CFAP68: variants seen among roughly 807,000 people sequenced by gnomAD.
CFAP68 encodes the protein cilia and flagella associated protein 68.
At chr11:111,882,026 C>T in the CFAP68 span, among the ~76,000 whole-genome samples, 1 of 152,180 alleles carries the variant, frequency 6.6e-6, no homozygotes, top group Non-Finnish European at 1.5e-5. Flanking sequence ...TTGACTGTAG[C>T]AGTGCTTTTA....
At chr11:111,880,195 C>A in the CFAP68 span, among the ~76,000 whole-genome samples, 1 of 152,050 alleles carries the variant, frequency 6.6e-6, no homozygotes, top group Non-Finnish European at 1.5e-5. Flanking sequence ...ACCCACACCA[C>A]CCGCCCTCCC....
the CFAP68 span, chr11:111,881,408 A>G: frequency 7.9e-6 from 12 of 1,528,648 alleles, no homozygotes; most frequent in South Asian, 1.4e-4. Flanking sequence ...CTGCCTGTGG[A>G]AAGGCAAGTG....
the CFAP68 span, chr11:111,885,683 T>A: frequency 6.6e-6 from 1 of 152,196 alleles, no homozygotes; most frequent in Non-Finnish European, 1.5e-5. Context: ...TATTTTTTTA[T>A]CTACTGTGTA....
chr11:111,882,234 A>C, the CFAP68 span: 1 of 716,232 alleles, frequency 1.4e-6, no homozygotes, highest in East Asian at 2.7e-5. Context: ...GAAGAAACAG[A>C]ACCATAACAT....
At chr11:111,881,721 A>T in the CFAP68 span, 1 of 1,272,688 alleles carries the variant, frequency 7.9e-7, no homozygotes, top group Non-Finnish European at 1.1e-6. Flanking sequence ...ATCATCTGGT[A>T]TATGCAATCC....
the CFAP68 span, chr11:111,882,643 G>A: frequency 2.7e-6 from 4 of 1,470,046 alleles, no homozygotes; most frequent in South Asian, 5.5e-5. Context: ...CCTTCTGTTG[G>A]CAAAAGAAAT....
At chr11:111,882,347 T>A in the CFAP68 span, 4 of 1,594,598 alleles carry the variant, frequency 2.5e-6, no homozygotes, top group African/African-American at 5.4e-5. Context: ...AATAAGCTTT[T>A]CTATTCTTGT....
chr11:111,883,287 A>G, the CFAP68 span: 1 of 1,207,568 alleles, frequency 8.3e-7, no homozygotes, highest in African/African-American at 1.5e-5. Context: ...ATAAAAGTAA[A>G]CTGAATAGGT....
the CFAP68 span, chr11:111,884,597 T>A: frequency 1.3e-5 from 2 of 152,214 alleles, no homozygotes; most frequent in Non-Finnish European, 2.9e-5. Context: ...CTAGATGCTT[T>A]CTGGGTATAA....
the CFAP68 span, chr11:111,881,588 A>G: frequency 3.3e-6 from 5 of 1,535,692 alleles, no homozygotes; most frequent in Non-Finnish European, 4.4e-6. Flanking sequence ...CAACCTACTC[A>G]GCATCAAGTT....
chr11:111,880,445 A>G, the CFAP68 span, among the ~76,000 whole-genome samples: 1 of 152,218 alleles, frequency 6.6e-6, no homozygotes, highest in Non-Finnish European at 1.5e-5. Flanking sequence ...GACCTTGCTG[A>G]TAAAACGGGT....
At chr11:111,882,238 A>G in the CFAP68 span, 3 of 736,662 alleles carry the variant, frequency 4.1e-6, no homozygotes, top group Admixed American at 8.8e-5. Flanking sequence ...AAACAGAACC[A>G]TAACATAGCC....
the CFAP68 span, chr11:111,882,654 G>A: frequency 7.1e-7 from 1 of 1,411,744 alleles, no homozygotes; most frequent in South Asian, 1.4e-5. Flanking sequence ...CAAAAGAAAT[G>A]TAGTGGCCAT....
At chr11:111,884,895 A>G in the CFAP68 span, 1 of 152,218 alleles carries the variant, frequency 6.6e-6, no homozygotes, top group Non-Finnish European at 1.5e-5. Context: ...TCATGCCTGT[A>G]ATCCCAGCAC....
chr11:111,882,530 A>G, the CFAP68 span: 1 of 1,614,002 alleles, frequency 6.2e-7, no homozygotes, highest in South Asian at 1.1e-5. Flanking sequence ...CCGTACCCTG[A>G]TGGGCAACTG....
chr11:111,881,478 C>A, the CFAP68 span: 1 of 1,535,986 alleles, frequency 6.5e-7, no homozygotes. Flanking sequence ...TCTTTCTTTG[C>A]TTGGAGAACT....
chr11:111,883,062 T>C, the CFAP68 span: 1 of 1,094,658 alleles, frequency 9.1e-7, no homozygotes, highest in East Asian at 2.6e-5. Context: ...TGAGAATTCA[T>C]GTCATATTGA....
chr11:111,883,934 C>A, the CFAP68 span: 1 of 1,263,870 alleles, frequency 7.9e-7, no homozygotes, highest in Non-Finnish European at 1.1e-6. Flanking sequence ...AGTTTCACAT[C>A]CAGGTTTCTA....
chr11:111,883,901 TG>T, the CFAP68 span: 1 of 1,479,846 alleles, frequency 6.8e-7, no homozygotes, highest in Non-Finnish European at 9.4e-7. Context: ...ACTCAGGATG[TG>T]TATAAGATCT....
Sources: allele counts gnomAD v4.1 joint callset (sites outside exome capture counted in the v4.1 genomes callset), GRCh38; gene constraint gnomAD v4.1.1; transcripts MANE v1.5; gene names NCBI Gene and HGNC (gene_info 2026-07-23, HGNC 2026-07-21).